Variants in SH3RF2 observed in about 807,000 individuals in gnomAD.
SH3RF2 encodes the protein SH3 domain containing ring finger 2.
Under a neutral mutation model 59.0 loss-of-function variants are expected in SH3RF2, and 43 were observed. That is an observed-to-expected ratio of 0.73 (90% confidence interval 0.57 to 0.94). SH3RF2 has a LOEUF of 0.94. SH3RF2 is among the 40% of genes least tolerant of loss of function. The pLI is 0.00. For missense variants in SH3RF2, 930 were observed against 940.1 expected, an observed-to-expected ratio of 0.99 and a Z score of 0.14; for synonymous variants, 391 against 391.5, an observed-to-expected ratio of 1.00 and a Z score of 0.01.
Position 146,060,220 on chromosome 5 carries a change from A to G in SH3RF2, c.1910A>G (p.Glu637Gly). The change falls in exon 9 of 10, where the codon GAA (glutamate) becomes GGA (glycine). Residue 637 changes from glutamate to glycine, a missense_variant. By Grantham distance (98) the Glu-to-Gly change is moderately conservative (BLOSUM62 -2). Coordinates refer to ENST00000359120, the MANE Select transcript of SH3RF2 (RefSeq NM_152550.4). ...VKPENSRNGI[E>G]KQVKTVRFQN... ...CCAGAAAACTCAAGAAATGGCATCG[A>G]AAAGGTAGGATCAGAGTGACATTGG... 1 of 1,604,192 alleles carries G rather than the reference A, an allele frequency of 6.2e-7. No homozygotes were observed. Among genetic ancestry groups the G allele is most frequent in the Non-Finnish European group, 8.5e-7 (1 of 1,174,780 alleles).
At chr5:146,056,793 G>A (rs1762686643) in intron 8 of SH3RF2, among the ~76,000 whole-genome samples, 1 of 152,174 alleles carries the variant, frequency 6.6e-6, no homozygotes, top group Non-Finnish European at 1.5e-5. Context: ...TAGATAGACA[G>A]ATGGAAACAC....
At chr5:145,985,968 C>G (rs1391194429) in intron 2 of SH3RF2, among the ~76,000 whole-genome samples, 1 of 151,924 alleles carries the variant, frequency 6.6e-6, no homozygotes, top group Non-Finnish European at 1.5e-5. Flanking sequence ...TGCACTGCTG[C>G]ACTCCAGCCT....
At chr5:146,070,356 A>C (rs947828084) in intron 9 of SH3RF2, among the ~76,000 whole-genome samples, 4 of 152,178 alleles carry the variant, frequency 2.6e-5, no homozygotes, top group Non-Finnish European at 5.9e-5. Flanking sequence ...CCCTCCCAGA[A>C]AAAAACCATG....
chr5:145,955,102 G>A (rs762422969), intron 2 of SH3RF2, among the ~76,000 whole-genome samples: 20 of 152,128 alleles, frequency 1.3e-4, no homozygotes, highest in Admixed American at 6.5e-5. Context: ...ATTAGATGTG[G>A]GTGGGGACAA....
chr5:146,017,811 C>T (rs166048), intron 5 of SH3RF2, among the ~76,000 whole-genome samples: 46,981 of 151,784 alleles, frequency 0.31, 8,163 homozygotes, highest in Non-Finnish European at 0.38. Flanking sequence ...CACTCAATCA[C>T]TTCGCCTCAC....
chr5:146,058,182 T>C (rs1414805097), intron 8 of SH3RF2, among the ~76,000 whole-genome samples: 1 of 152,074 alleles, frequency 6.6e-6, no homozygotes, highest in African/African-American at 2.4e-5. Flanking sequence ...GCATTAAATC[T>C]CTTGGAAATT....
intron 2 of SH3RF2, among the ~76,000 whole-genome samples, chr5:145,978,101 G>T (rs1463976572): frequency 6.6e-6 from 1 of 152,190 alleles, no homozygotes; most frequent in Non-Finnish European, 1.5e-5. Flanking sequence ...GGGCCAGAAA[G>T]ATTTGTAAGA....
intron 9 of SH3RF2, among the ~76,000 whole-genome samples, chr5:146,069,149 T>C (rs1246911905): frequency 6.6e-6 from 1 of 152,200 alleles, no homozygotes; most frequent in Non-Finnish European, 1.5e-5. Context: ...GCCGTAGATA[T>C]TCTGCCTGAA....
rs578078656 is a variant in SH3RF2, at chr5:146,038,954, T to A, written c.1060-8818T>A. Among the ~76,000 whole-genome samples the A allele has an allele frequency of 2.6e-4, 40 of 152,338 alleles. 1 individual carries two copies. The South Asian group carries it at 8.3e-3, about 32-fold the overall frequency. ...TCAAAGCTAATTAAGATGGCATGGA[T>A]CTAGCATAGGGATTCTATTAAACCA... On this transcript the variant is annotated intron_variant, in intron 5 of 9. Transcript: ENST00000359120.
chr5:145,989,903 G>T (rs1334969687), intron 2 of SH3RF2, among the ~76,000 whole-genome samples: 1 of 152,004 alleles, frequency 6.6e-6, no homozygotes, highest in East Asian at 1.9e-4. Context: ...TTTTAAAATT[G>T]GAAATAAACT....
chr5:145,969,743 A>T (rs1029191752), intron 2 of SH3RF2, among the ~76,000 whole-genome samples: 4 of 152,082 alleles, frequency 2.6e-5, no homozygotes, highest in African/African-American at 7.2e-5. Context: ...TCTAAAAAAA[A>T]AAAAATAAAG....
Position 145,994,183 on chromosome 5 carries a change from A to T in SH3RF2, c.379-5875A>T, listed in dbSNP as rs754755438. ...AGTTCCCAACAAGTTTCTCATCTCC[A>T]TCTGAGACCACCTCAGCCTGGACCT... On this transcript the variant is annotated intron_variant, in intron 2 of 9. Coordinates refer to ENST00000359120, the MANE Select transcript of SH3RF2 (RefSeq NM_152550.4). 7.9e-5 allele frequency among the ~76,000 whole-genome samples: 12 copies of T among 152,140 alleles called. 1 individual carries two copies. Among genetic ancestry groups the T allele is most frequent in the Non-Finnish European group, 1.8e-4 (12 of 68,012 alleles).
chr5:145,957,052 GCTGT>G (rs1758441429), intron 2 of SH3RF2, among the ~76,000 whole-genome samples: 1 of 152,168 alleles, frequency 6.6e-6, no homozygotes, highest in Non-Finnish European at 1.5e-5. Flanking sequence ...GAAAGCTTTG[GCTGT>G]CTTTTTCTTT....
At chr5:145,989,827 T>C (rs1759868406) in intron 2 of SH3RF2, among the ~76,000 whole-genome samples, 1 of 152,220 alleles carries the variant, frequency 6.6e-6, no homozygotes, top group Non-Finnish European at 1.5e-5. Flanking sequence ...TGTGTCACTG[T>C]GGTTGATTCT....
chr5:146,070,269 A>G (rs1763204623), intron 9 of SH3RF2, among the ~76,000 whole-genome samples: 1 of 152,204 alleles, frequency 6.6e-6, no homozygotes, highest in African/African-American at 2.4e-5. Context: ...ATTGGAGAGC[A>G]TGGACAAATG....
Position 146,062,774 on chromosome 5 carries a change from A to G in SH3RF2, c.*73A>G. ...AATACAGTCTGCCTCCACTGAGGGCATCCTGCCATTCTTTGGGGACTTGAG... is the reference window on the plus strand; with the variant it reads ...AATACAGTCTGCCTCCACTGAGGGCGTCCTGCCATTCTTTGGGGACTTGAG... On this transcript the variant is annotated 3_prime_UTR_variant, in exon 10 of 10. Transcript: ENST00000359120. 1 of 1,534,510 alleles carries G rather than the reference A, an allele frequency of 6.5e-7. No homozygotes were observed. Among genetic ancestry groups the G allele is most frequent in the Non-Finnish European group, 8.8e-7 (1 of 1,138,248 alleles).
chr5:145,998,015 C>T (rs17426578), intron 2 of SH3RF2: 421,720 of 693,928 alleles, frequency 0.61, 130,684 homozygotes, highest in Middle Eastern at 0.8. Flanking sequence ...GAACCTGAAG[C>T]AGACTGCATA....
At chr5:146,012,722 G>T (rs1296755699) in intron 4 of SH3RF2, among the ~76,000 whole-genome samples, 1 of 152,138 alleles carries the variant, frequency 6.6e-6, no homozygotes, top group African/African-American at 2.4e-5. Context: ...ACATGTTTCA[G>T]ATTTCCAAAG....
chr5:145,991,191 G>C (rs1291555724), intron 2 of SH3RF2, among the ~76,000 whole-genome samples: 2 of 152,170 alleles, frequency 1.3e-5, no homozygotes, highest in Admixed American at 6.5e-5. Context: ...CAGGTCAAAC[G>C]AGCCTCAGCC....
Sources: gnomAD v4.1 joint callset for allele counts (sites outside exome capture counted in the v4.1 genomes callset) on GRCh38, gnomAD v4.1.1 for gene constraint, MANE v1.5 for transcripts, NCBI Gene and HGNC (gene_info 2026-07-23, HGNC 2026-07-21) for gene names.